Variants in FARS2 observed in about 807,000 individuals in gnomAD.
The protein encoded by FARS2 is phenylalanyl-tRNA synthetase 2, mitochondrial.
FARS2 carries 40 observed loss-of-function variants against 46.4 expected under a neutral mutation model. That is an observed-to-expected ratio of 0.86 (90% confidence interval 0.67 to 1.12). The LOEUF is 1.12. Ranked by LOEUF, FARS2 falls within the 50% of genes most tolerant of loss-of-function variation. FARS2 has a pLI of 0.00. For missense variants in FARS2, 513 were observed against 567.9 expected, an observed-to-expected ratio of 0.90 and a Z score of 0.98; for synonymous variants, 234 against 214.9, an observed-to-expected ratio of 1.09 and a Z score of -0.78.
At chr6:5,458,248 C>T (rs1319933733) in intron 4 of FARS2, among the ~76,000 whole-genome samples, 1 of 152,244 alleles carries the variant, frequency 6.6e-6, no homozygotes, top group Non-Finnish European at 1.5e-5. Flanking sequence ...ACTGGAAATG[C>T]AGTCCTGGCT....
intron 1 of FARS2, among the ~76,000 whole-genome samples, chr6:5,358,989 A>T (rs1424858869): frequency 1.4e-5 from 2 of 141,026 alleles, no homozygotes; most frequent in Non-Finnish European, 3.1e-5. Context: ...AATAGTATTG[A>T]TAGTCATTTC....
intron 4 of FARS2, among the ~76,000 whole-genome samples, chr6:5,432,374 TA>T (rs1229137343): frequency 1.5e-4 from 19 of 122,754 alleles, no homozygotes; most frequent in Admixed American, 3.0e-4. Flanking sequence ...ATATATTATA[TA>T]TTTATATATT....
rs77989145 is a variant in FARS2, at chr6:5,294,673, T to G, written c.-22+33013T>G. Among the ~76,000 whole-genome samples, 12 of 152,210 alleles carry G rather than the reference T, an allele frequency of 7.9e-5. No homozygotes were observed. In the East Asian group the frequency reaches 2.3e-3, roughly 29 times the overall value. ...CTCACAGGACTCAGGGGAAAACTTATGATTACTGGTTTTTTATAAAGGATA... is the reference window on the plus strand; with the variant it reads ...CTCACAGGACTCAGGGGAAAACTTAGGATTACTGGTTTTTTATAAAGGATA... On this transcript the variant is annotated intron_variant, in intron 1 of 6. Transcript: ENST00000274680.
At chr6:5,661,932 A>T (rs552005448) in intron 6 of FARS2, among the ~76,000 whole-genome samples, 1 of 152,084 alleles carries the variant, frequency 6.6e-6, no homozygotes. Context: ...CAGAGGAGAG[A>T]TGTTACAGTG....
chr6:5,501,644 G>A (rs1561667254), intron 4 of FARS2, among the ~76,000 whole-genome samples: 1 of 152,050 alleles, frequency 6.6e-6, no homozygotes, highest in Non-Finnish European at 1.5e-5. Flanking sequence ...ACAGGCGTGA[G>A]CCACCACACC....
intron 6 of FARS2, among the ~76,000 whole-genome samples, chr6:5,626,848 T>C (rs1458339288): frequency 6.6e-6 from 1 of 152,232 alleles, no homozygotes; most frequent in Non-Finnish European, 1.5e-5. Flanking sequence ...TTATGGAGTG[T>C]ACTTACACAA....
intron 6 of FARS2, among the ~76,000 whole-genome samples, chr6:5,645,229 T>C (rs1306204740): frequency 6.6e-6 from 1 of 152,106 alleles, no homozygotes; most frequent in Non-Finnish European, 1.5e-5. Flanking sequence ...TGGACAAGAG[T>C]GCATTTACCT....
intron 4 of FARS2, among the ~76,000 whole-genome samples, chr6:5,477,606 C>A (rs1363396933): frequency 6.6e-6 from 1 of 152,142 alleles, no homozygotes; most frequent in African/African-American, 2.4e-5. Context: ...AGCTGGGTGA[C>A]CTTGGGCAAA....
At chr6:5,300,770 A>C (rs894303318) in intron 1 of FARS2, among the ~76,000 whole-genome samples, 1 of 152,026 alleles carries the variant, frequency 6.6e-6, no homozygotes, top group African/African-American at 2.4e-5. Flanking sequence ...TCCCAGGCTC[A>C]AGCTACCCTT....
intron 3 of FARS2, among the ~76,000 whole-genome samples, chr6:5,413,983 G>T (rs993663848): frequency 6.6e-6 from 1 of 152,062 alleles, no homozygotes; most frequent in African/African-American, 2.4e-5. Flanking sequence ...CTAGAATTTT[G>T]TTTCATCAGC....
At chr6:5,757,610 G>A (rs553750584) in intron 6 of FARS2, among the ~76,000 whole-genome samples, 9 of 152,338 alleles carry the variant, frequency 5.9e-5, no homozygotes, top group South Asian at 2.1e-4. Context: ...TAGCTGAGAC[G>A]TTGACCGCAA....
intron 4 of FARS2, among the ~76,000 whole-genome samples, chr6:5,480,470 C>A (rs534567146): frequency 3.0e-4 from 45 of 152,338 alleles, no homozygotes; most frequent in African/African-American, 1.0e-3. Flanking sequence ...TTTCTTTTCT[C>A]TTCCTGACCT....
intron 1 of FARS2, among the ~76,000 whole-genome samples, chr6:5,267,751 CAA>C (rs71540859): frequency 0.051 from 5,584 of 109,272 alleles, 339 homozygotes; most frequent in African/African-American, 0.15. Flanking sequence ...GAGACTGTCT[CAA>C]AAAAAAAAAA....
chr6:5,331,130 G>A (rs1050958833), intron 1 of FARS2, among the ~76,000 whole-genome samples: 13 of 150,634 alleles, frequency 8.6e-5, no homozygotes, highest in African/African-American at 2.2e-4. Context: ...AAAGATTGAT[G>A]GTCTTATTCT....
intron 2 of FARS2, among the ~76,000 whole-genome samples, chr6:5,386,277 G>A (rs1289535499): frequency 6.6e-6 from 1 of 152,120 alleles, no homozygotes; most frequent in South Asian, 2.1e-4. Flanking sequence ...ACGAGTCCCC[G>A]GAATGTGTAG....
chr6:5,599,023 A>G (rs1209714964), intron 5 of FARS2, among the ~76,000 whole-genome samples: 1 of 152,174 alleles, frequency 6.6e-6, no homozygotes, highest in Non-Finnish European at 1.5e-5. Flanking sequence ...CCTCAGTTTT[A>G]CCTTGCAGCA....
At chr6:5,636,735 C>T (rs1396194760) in intron 6 of FARS2, among the ~76,000 whole-genome samples, 1 of 152,182 alleles carries the variant, frequency 6.6e-6, no homozygotes, top group African/African-American at 2.4e-5. Flanking sequence ...GTCAAGCCAC[C>T]AGGAGTAGCT....
chr6:5,260,683 C>G (rs1396973398), upstream of FARS2: 2 of 1,547,012 alleles, frequency 1.3e-6, no homozygotes, highest in Non-Finnish European at 1.7e-6. Flanking sequence ...TGCTCTCTCT[C>G]AGCATCGCCC....
chr6:5,278,003 T>C (rs1766455046), intron 1 of FARS2, among the ~76,000 whole-genome samples: 2 of 152,206 alleles, frequency 1.3e-5, no homozygotes, highest in Admixed American at 1.3e-4. Flanking sequence ...CTTAATCTTT[T>C]CAATATTTTC....
Sources: allele counts gnomAD v4.1 joint callset (sites outside exome capture counted in the v4.1 genomes callset), GRCh38; gene constraint gnomAD v4.1.1; transcripts MANE v1.5; gene names NCBI Gene and HGNC (gene_info 2026-07-23, HGNC 2026-07-21).